Variants in DMD observed in about 807,000 individuals in gnomAD.
DMD encodes mutant dystrophin.
A neutral mutation model predicts 330.1 loss-of-function variants in DMD; 63 were observed. The observed-to-expected ratio is 0.19, with a 90% CI of 0.16 to 0.24. DMD has a LOEUF of 0.24. Among genes scored for constraint, DMD ranks in the 10% least tolerant of loss-of-function variants. The pLI is 1.00. For synonymous variants in DMD, 1,223 were observed against 959.8 expected, an observed-to-expected ratio of 1.27 and a Z score of -5.07; for missense variants, 3,344 against 2,684.1, an observed-to-expected ratio of 1.25 and a Z score of -5.43.
intron 1 of DMD, among the ~76,000 whole-genome samples, chrX:33,062,526 G>C (rs1377375599): frequency 8.9e-6 from 1 of 111,947 alleles, no homozygotes; most frequent in Non-Finnish European, 1.9e-5. Flanking sequence ...GCCCAGGCTG[G>C]AGTGCAGTGG....
At chrX:32,489,351 T>TG (rs2042776074) in intron 20 of DMD, among the ~76,000 whole-genome samples, 1 of 92,193 alleles carries the variant, frequency 1.1e-5, no homozygotes, top group Non-Finnish European at 2.1e-5. Context: ...GGTGGCGGGG[T>TG]GGGGGGCTAA....
chrX:32,494,212 A>C (rs944175323), intron 19 of DMD, among the ~76,000 whole-genome samples: 5 of 111,650 alleles, frequency 4.5e-5, no homozygotes, highest in Admixed American at 1.9e-4. Context: ...TTTGCCCCCC[A>C]AAAAATGTTG....
At chrX:32,715,453 G>C (rs1390080291) in intron 7 of DMD, among the ~76,000 whole-genome samples, 2 of 85,304 alleles carry the variant, frequency 2.3e-5, no homozygotes, top group Non-Finnish European at 4.3e-5. Context: ...CATCAGCCTG[G>C]TGACAGAGAT....
intron 60 of DMD, among the ~76,000 whole-genome samples, chrX:31,405,582 A>G (rs769750110): frequency 8.9e-5 from 10 of 111,845 alleles, no homozygotes; most frequent in Non-Finnish European, 1.9e-4. Context: ...AAGTTGACTC[A>G]AATTAATAAG....
chrX:32,044,993 G>A (rs12556675), intron 44 of DMD, among the ~76,000 whole-genome samples: 30,132 of 110,410 alleles, frequency 0.27, 3,062 homozygotes, highest in East Asian at 0.44. Context: ...TGGTGGTGGG[G>A]CCTGGCGGGA....
At chrX:31,185,656 T>A (rs746239273) in intron 67 of DMD, among the ~76,000 whole-genome samples, 1 of 112,043 alleles carries the variant, frequency 8.9e-6, no homozygotes, top group Non-Finnish European at 1.9e-5. Flanking sequence ...GTCTAATAAT[T>A]CTGGAATATG....
At chrX:32,463,044 T>A (rs1436190477) in intron 25 of DMD, among the ~76,000 whole-genome samples, 1 of 112,091 alleles carries the variant, frequency 8.9e-6, no homozygotes, top group African/African-American at 3.2e-5. Flanking sequence ...TTTATCCTAT[T>A]TCTACATACA....
intron 44 of DMD, among the ~76,000 whole-genome samples, chrX:32,172,407 G>C (rs112984918): frequency 0.011 from 1,220 of 111,927 alleles, 47 homozygotes; most frequent in Admixed American, 0.08. Context: ...AATTTATGTA[G>C]AGGAATGTAA....
At chrX:32,142,065 C>A (rs2096756316) in intron 44 of DMD, among the ~76,000 whole-genome samples, 1 of 111,030 alleles carries the variant, frequency 9.0e-6, no homozygotes, top group South Asian at 3.8e-4. Flanking sequence ...AAAAACAAGG[C>A]AGGAAACAGA....
intron 44 of DMD, among the ~76,000 whole-genome samples, chrX:31,982,547 T>C (rs1342121485): frequency 1.8e-5 from 2 of 111,576 alleles, no homozygotes; most frequent in African/African-American, 6.5e-5. Flanking sequence ...CATTTATTCT[T>C]TTGGTTTTCT....
chrX:32,976,876 T>A (rs1179472924), intron 2 of DMD, among the ~76,000 whole-genome samples: 2 of 111,983 alleles, frequency 1.8e-5, no homozygotes, highest in Non-Finnish European at 3.8e-5. Context: ...TAAGTTACAT[T>A]TTTGGTAAAT....
Position 32,801,164 on chromosome X carries a change from C to T in DMD, c.649+8329G>A, listed in dbSNP as rs186607001. Among the ~76,000 whole-genome samples the T allele has an allele frequency of 2.8e-3, 309 of 111,572 alleles. 1 individual carries two copies. The highest frequency in any genetic ancestry group is 9.6e-3 in the African/African-American group (294 of 30,698). Reference sequence around the variant, plus strand: ...CAACAGTGTAAAATCATTCCTATTTCTCCATATTCTCTCCAGCATCTGTTG... The same window carrying T: ...CAACAGTGTAAAATCATTCCTATTTTTCCATATTCTCTCCAGCATCTGTTG... On this transcript the variant is annotated intron_variant, in intron 7 of 78. Transcript: ENST00000357033.
At chrX:31,443,217 A>G (rs975204705) in intron 60 of DMD, among the ~76,000 whole-genome samples, 7 of 111,342 alleles carry the variant, frequency 6.3e-5, no homozygotes, top group African/African-American at 1.6e-4. Flanking sequence ...TTGGGGTATA[A>G]CATGGTGTCC....
At chrX:32,853,288 C>A (rs1244063492) in intron 2 of DMD, among the ~76,000 whole-genome samples, 1 of 111,376 alleles carries the variant, frequency 9.0e-6, no homozygotes, top group East Asian at 2.8e-4. Context: ...TCAGTAAGTA[C>A]AGACAAACAC....
intron 1 of DMD, among the ~76,000 whole-genome samples, chrX:33,114,119 T>TA (rs770323502): frequency 2.7e-5 from 3 of 109,144 alleles, no homozygotes; most frequent in Non-Finnish European, 5.7e-5. Flanking sequence ...ATTATTTTTT[T>TA]TTTTTTTTGA....
At chrX:31,354,192 C>T (rs570470174) in intron 60 of DMD, among the ~76,000 whole-genome samples, 97 of 111,959 alleles carry the variant, frequency 8.7e-4, no homozygotes, top group Middle Eastern at 4.6e-3. Context: ...TCTTTCCCTG[C>T]TAAATCCTCA....
intron 1 of DMD, among the ~76,000 whole-genome samples, chrX:33,042,508 G>T (rs191212623): frequency 2.7e-5 from 3 of 111,748 alleles, no homozygotes; most frequent in Non-Finnish European, 5.6e-5. Context: ...CTGGATTGGC[G>T]AATGGGATAA....
chrX:32,596,535 A>AC (rs1276795465), intron 12 of DMD, among the ~76,000 whole-genome samples: 1 of 82,618 alleles, frequency 1.2e-5, no homozygotes, highest in Non-Finnish European at 2.1e-5. Context: ...CCTATGTGCT[A>AC]CTTTTTTTAT....
At chrX:32,565,451 A>C (rs1320785970) in intron 16 of DMD, among the ~76,000 whole-genome samples, 1 of 111,352 alleles carries the variant, frequency 9.0e-6, no homozygotes, top group Non-Finnish European at 1.9e-5. Flanking sequence ...GCTCTAAGTC[A>C]CTCAGTTCCC....
Sources: gnomAD v4.1 joint callset for allele counts (sites outside exome capture counted in the v4.1 genomes callset) on GRCh38, gnomAD v4.1.1 for gene constraint, MANE v1.5 for transcripts, NCBI Gene and HGNC (gene_info 2026-07-23, HGNC 2026-07-21) for gene names.